Variants in HECTD4 observed in about 807,000 individuals in gnomAD.
HECTD4 encodes HECT domain E3 ubiquitin protein ligase 4.
Under a neutral mutation model 471.5 loss-of-function variants are expected in HECTD4, and 114 were observed. That is an observed-to-expected ratio of 0.24 (90% CI 0.21 to 0.28). The LOEUF is 0.28. Among genes scored for constraint, HECTD4 ranks in the 10% least tolerant of loss-of-function variants. HECTD4 has a pLI of 1.00. For missense variants in HECTD4, 3,866 were observed against 5,651.5 expected (o/e 0.68, Z 10.13); for synonymous variants, 2,012 against 2,256.0 (o/e 0.89, Z 3.07).
chr12:112,379,854 C>G (rs1378952448), intron 1 of HECTD4, among the ~76,000 whole-genome samples: 1 of 151,566 alleles, frequency 6.6e-6, no homozygotes, highest in South Asian at 2.1e-4. Flanking sequence ...TTATTCACTA[C>G]TACCAGTCAT....
At chr12:112,169,704 C>T (rs1243655316) in intron 69 of HECTD4, 46 bp from the exon 70 acceptor site, 2 of 1,607,082 alleles carry the variant, frequency 1.2e-6, no homozygotes, top group South Asian at 2.2e-5. Flanking sequence ...CGTGGCCGCC[C>T]TCTCCCCTCC....
At position 112,179,064 on chromosome 12, in the gene HECTD4, C is replaced by T. The variant is rs372191980; in HGVS notation, c.11230G>A (p.Val3744Met). 2.4e-5 allele frequency: 39 copies of T among 1,613,856 alleles called. No homozygotes were observed. The highest frequency in any genetic ancestry group is 6.6e-5 in the South Asian group (6 of 91,074). ...QLTQILRKYG[V>M]PKPKFDKSKY... is the part of the protein sequence containing the mutation. Reference sequence around the variant, plus strand: ...CTCTTGTCAAACTTGGGCTTTGGCACGCCATACTTCCTCAGGATCTGTGGA... The same window carrying T: ...CTCTTGTCAAACTTGGGCTTTGGCATGCCATACTTCCTCAGGATCTGTGGA... The change falls in exon 64 of 76, where the codon GTG (valine) becomes ATG (methionine). Residue 3744 changes from valine to methionine, a missense_variant. Val to Met is a conservative substitution (Grantham distance 21). Transcript: ENST00000682272. The surrounding 1 kb of genome is among the most constrained non-coding windows in gnomAD (Gnocchi z 4.3).
Position 112,210,209 on chromosome 12 carries a change from T to C in HECTD4, c.7673A>G (p.Tyr2558Cys). The C allele has an allele frequency of 6.2e-7, 1 of 1,613,966 alleles. No homozygotes were observed. The change falls in exon 50 of 76, where the codon TAC (tyrosine) becomes TGC (cysteine). Residue 2558 changes from tyrosine to cysteine, a missense_variant. Around this residue, in one of 16 missense-constraint regions of HECTD4, gnomAD observed 617 missense variants for 915.1 expected, o/e 0.67. Transcript: ENST00000682272. Reference protein sequence around the residue: ...RANFGSRPFAYAEGQAHRNAA... With the variant: ...RANFGSRPFACAEGQAHRNAA... ...ATTGCGGTGGGCCTGCCCTTCCGCG[T>C]AGGCAAACGGCCGGGAGCCAAAGTT...
chr12:112,217,111 A>G lies in HECTD4; in HGVS notation c.7159T>C (p.Phe2387Leu). 3 of 1,594,324 alleles carry G rather than the reference A, an allele frequency of 1.9e-6. No individual in the cohort carries two copies. The highest frequency in any genetic ancestry group is 1.7e-6 in the Non-Finnish European group (2 of 1,170,448). Residue 2387 changes from phenylalanine (F) to leucine (L), a missense_variant, in exon 46 of 76, where the codon TTC (phenylalanine) becomes CTC (leucine). By Grantham distance (22) the Phe-to-Leu change is conservative. Transcript: ENST00000682272. The stretch of plus-strand genomic sequence containing the variant: ...CCCCCAGCGCTGGGGTCAGCCAGGA[A>G]GGTGACTGAGGTAAGGTGAGATGAG... The part of the protein sequence containing the change: ...MFSSHLTSVT[F>L]LADPSAGGGL...
intron 54 of HECTD4, 52 bp from the exon 55 acceptor site, chr12:112,200,850 T>A: frequency 1.9e-6 from 3 of 1,567,434 alleles, no homozygotes; most frequent in Non-Finnish European, 2.6e-6. Flanking sequence ...TTGTTTTCCA[T>A]GTGTGCGTGC....
chr12:112,275,036 G>T, intron 9 of HECTD4, 76 bp from the exon 10 acceptor site: 4 of 887,544 alleles, frequency 4.5e-6, no homozygotes, highest in Non-Finnish European at 7.0e-6. Flanking sequence ...CTTTTAACAA[G>T]ACTTTTATAA....
rs1024229830 is a variant in HECTD4 at position 112,269,714 on chromosome 12, G to C, written c.2311C>G (p.Leu771Val). ...ICPEIQKEVC[L>V]AISSGLNILY... ...TCATTAGCTGTTTACCTGATGGCAA[G>C]GCAGACTTCCTTCTGAATTTCAGGG... The change falls in exon 13 of 76, where the codon CTT becomes GTT. Residue 771 changes from leucine (L) to valine (V), a missense_variant. Transcript: ENST00000682272. 1.2e-6 allele frequency: 2 copies of C among 1,613,962 alleles called. No homozygotes were observed. The highest frequency in any genetic ancestry group is 3.3e-5 in the Admixed American group (2 of 60,026).
intron 59 of HECTD4, among the ~76,000 whole-genome samples, chr12:112,192,136 G>T (rs545225743): frequency 2.4e-4 from 37 of 152,342 alleles, no homozygotes; most frequent in African/African-American, 8.2e-4. Flanking sequence ...CGAGCTTCCA[G>T]TTAGTTGAGG....
rs1038195383 is a variant in HECTD4, at chr12:112,319,122, A to G, written c.695+103T>C. ...TACTGAAAGCAAAGAAGGACTTCTG[A>G]ATGTTAAGACTTCTATCAAATATAC... On this transcript the variant is annotated intron_variant, in intron 2 of 75. Coordinates refer to ENST00000682272, the MANE Select transcript of HECTD4 (RefSeq NM_001388303.1). The surrounding 1 kb of genome is among the most constrained non-coding windows in gnomAD (Gnocchi z 5.3). The G allele has an allele frequency of 1.0e-5, 12 of 1,163,158 alleles. No individual in the cohort carries two copies. In the African/African-American group the frequency reaches 1.7e-4, roughly 17 times the overall value. The allele number at this position is 1,163,158 out of a possible 1,614,324, so 72.1% of individuals were successfully genotyped here.
At chr12:112,342,237 C>T (rs1022229865) in intron 1 of HECTD4, among the ~76,000 whole-genome samples, 2 of 152,184 alleles carry the variant, frequency 1.3e-5, no homozygotes, top group African/African-American at 4.8e-5. Context: ...AAGAGGATTG[C>T]TTGAGCCTGG....
chr12:112,281,539 C>T (rs928718840), intron 8 of HECTD4, among the ~76,000 whole-genome samples: 3 of 152,022 alleles, frequency 2.0e-5, no homozygotes. Flanking sequence ...ATTTAGGTAA[C>T]AACAAAAACA....
rs760583352 is a variant in HECTD4, at chr12:112,171,261, C to T, written c.11788G>A (p.Val3930Met). ...CGCAGGCGCAGGCTCTCGATGGGCA[C>T]GTCTGAGGGCGCAGGAGCAGTCAGG... ...ADPRVACLLN[V>M]PIESLRLRFA... Residue 3930 changes from valine to methionine, a missense_variant and splice_region_variant, in exon 68 of 76, where the codon GTG becomes ATG. Physicochemically the swap from Val to Met is conservative, Grantham distance 21. Coordinates refer to ENST00000682272, the MANE Select transcript of HECTD4 (RefSeq NM_001388303.1). The T allele has an allele frequency of 2.0e-5, 32 of 1,600,168 alleles. No homozygotes were observed. Among genetic ancestry groups the T allele is most frequent in the African/African-American group, 6.7e-5 (5 of 74,746 alleles).
chr12:112,380,434 G>C (rs779410542), intron 1 of HECTD4, among the ~76,000 whole-genome samples: 16 of 151,978 alleles, frequency 1.1e-4, no homozygotes, highest in Non-Finnish European at 1.5e-4. Context: ...GACAGAGCAA[G>C]ACTCGGTCTC....
chr12:112,236,227 A>C (rs1409025803), intron 35 of HECTD4, among the ~76,000 whole-genome samples: 2 of 152,230 alleles, frequency 1.3e-5, no homozygotes, highest in African/African-American at 4.8e-5. Context: ...AGGTTACAGA[A>C]AGAATGGGGG....
At position 112,243,807 on chromosome 12, in the gene HECTD4, G is replaced by A. The variant is rs2033694983; in HGVS notation, c.4650-46C>T. The A allele has an allele frequency of 6.2e-7, 1 of 1,610,052 alleles. No individual in the cohort carries two copies. The highest frequency in any genetic ancestry group is 2.2e-5 in the East Asian group (1 of 44,788). ...ACTGGCAAGACGAGAAACACACTCA[G>A]GGAGCTTGTTTTGATGAATGCATTC... is the stretch of plus-strand genomic sequence containing the variant. On this transcript the variant is annotated intron_variant, in intron 30 of 75. Coordinates refer to ENST00000682272, the MANE Select transcript of HECTD4 (RefSeq NM_001388303.1). This position sits in a 1 kb window ranked among gnomAD's most constrained non-coding sequence, Gnocchi z 6.6.
Position 112,279,353 on chromosome 12 carries a change from A to C in HECTD4, c.1562T>G (p.Leu521Arg). Reference protein sequence around the residue: ...NTSCGLPLKMLRKTPIYTCGT... With the variant: ...NTSCGLPLKMRRKTPIYTCGT... ...ACAGGTATATATGGGTGTCTTCCGC[A>C]GCATTTTTAGAGGCAGCCCACAGCT... Residue 521 changes from leucine to arginine, a missense_variant, in exon 9 of 76, where the codon CTG (leucine) becomes CGG (arginine). Physicochemically the swap from Leu to Arg is moderately radical, Grantham distance 102. Coordinates refer to ENST00000682272, the MANE Select transcript of HECTD4 (RefSeq NM_001388303.1). The C allele has an allele frequency of 6.2e-7, 1 of 1,606,018 alleles. No individual in the cohort carries two copies. Among genetic ancestry groups the C allele is most frequent in the Non-Finnish European group, 8.5e-7 (1 of 1,178,388 alleles).
rs2032638811 is a variant in HECTD4 at position 112,207,869 on chromosome 12, C to T, written c.8131+5G>A. On this transcript the variant is annotated splice_donor_5th_base_variant and intron_variant, in intron 52 of 75. Coordinates refer to ENST00000682272, the MANE Select transcript of HECTD4 (RefSeq NM_001388303.1). ...ACCTCCTTAGCAGAACAAAAAGTAC[C>T]AGACCTAGTTGTAAGGCCCCCTTTA... 1 of 1,613,502 alleles carries T rather than the reference C, an allele frequency of 6.2e-7. No homozygotes were observed. The highest frequency in any genetic ancestry group is 8.5e-7 in the Non-Finnish European group (1 of 1,179,688).
intron 16 of HECTD4, 26 bp from the exon 17 acceptor site, chr12:112,264,238 A>G: frequency 6.5e-7 from 1 of 1,541,480 alleles, no homozygotes; most frequent in Non-Finnish European, 8.8e-7. Context: ...GGGCATTTAA[A>G]TGATCTAAAT....
In HECTD4 at chr12:112,382,075, C is replaced by G; in HGVS notation, c.54G>C (p.Ala18=). 8.1e-7 allele frequency: 1 copy of G among 1,228,330 alleles called. No homozygotes were observed. Among genetic ancestry groups the G allele is most frequent in the Non-Finnish European group, 1.0e-6 (1 of 986,670 alleles). The allele number at this position is 1,228,330 out of a possible 1,614,324, so 76.1% of individuals were successfully genotyped here. A position where few individuals can be genotyped will look rare whatever the true frequency, so the allele number is the denominator to read the frequency against. Reference sequence around the variant, plus strand: ...TCTCTTCCTTCACCGAGAGCCACTGCGCCGAGTCAGCGGCCGCCGCCGCCG... The same window carrying G: ...TCTCTTCCTTCACCGAGAGCCACTGGGCCGAGTCAGCGGCCGCCGCCGCCG... ...AAAAAAAADS[A]QWLSVKEETI... Residue 18 remains alanine, a synonymous_variant, in exon 1 of 76, where the codon GCG becomes GCC. Transcript: ENST00000682272.
Sources: allele counts gnomAD v4.1 joint callset (sites outside exome capture counted in the v4.1 genomes callset), GRCh38; gene constraint gnomAD v4.1.1; regional missense constraint gnomAD v4.1.1; non-coding constraint Gnocchi (gnomAD v3.1); transcripts MANE v1.5; gene names NCBI Gene and HGNC (gene_info 2026-07-23, HGNC 2026-07-21).